Variants in SPAG9 observed in about 807,000 individuals in gnomAD.
The protein encoded by SPAG9 is sperm associated antigen 9, also known as C-Jun-amino-terminal kinase-interacting protein 4.
A neutral mutation model predicts 166.5 loss-of-function variants in SPAG9; 35 were observed. The observed-to-expected ratio is 0.21, with a 90% CI of 0.16 to 0.28. The LOEUF (loss-of-function observed/expected upper bound fraction) is 0.28. Among genes scored for constraint, SPAG9 ranks in the 10% least tolerant of loss-of-function variants. The probability of loss-of-function intolerance (pLI) is 1.00; values close to 1 mark genes in which losing one functional copy is unlikely to be tolerated. For synonymous variants in SPAG9, 534 were observed against 565.5 expected (o/e 0.94, Z 0.79); for missense variants, 1,235 against 1,603.3 (o/e 0.77, Z 3.92).
chr17:51,066,721 G>A (rs888994524), intron 2 of SPAG9, among the ~76,000 whole-genome samples: 13 of 151,432 alleles, frequency 8.6e-5, no homozygotes, highest in East Asian at 3.9e-4. Flanking sequence ...GTGAAACCCC[G>A]TCTCTACTAA....
chr17:51,006,475 G>C (rs1401235178), intron 10 of SPAG9, among the ~76,000 whole-genome samples: 1 of 151,986 alleles, frequency 6.6e-6, no homozygotes, highest in Non-Finnish European at 1.5e-5. Context: ...AAAGTGAGAA[G>C]ATTAAATTTT....
chr17:51,085,541 T>C (rs964363553), intron 1 of SPAG9: 1 of 152,238 alleles, frequency 6.6e-6, no homozygotes, highest in Non-Finnish European at 1.5e-5. Context: ...AGGTCTTGGA[T>C]TGGCAAGGCT....
At chr17:51,095,778 ATATAGTGATATACG>A (rs1418908697) in intron 1 of SPAG9, among the ~76,000 whole-genome samples, 3 of 146,826 alleles carry the variant, frequency 2.0e-5, no homozygotes, top group Admixed American at 7.0e-5. Context: ...ATAGTGATAT[ATATAGTGATATACG>A]TATAGTGATA....
chr17:51,026,753 C>T (rs1272131667), intron 6 of SPAG9, among the ~76,000 whole-genome samples: 2 of 150,788 alleles, frequency 1.3e-5, no homozygotes, highest in Non-Finnish European at 3.0e-5. Context: ...CTTGGCTCAC[C>T]GCAACCTCTG....
intron 1 of SPAG9, among the ~76,000 whole-genome samples, chr17:51,101,376 C>G (rs1292198151): frequency 6.7e-6 from 1 of 148,728 alleles, no homozygotes; most frequent in African/African-American, 2.5e-5. Context: ...AAAAAATTAC[C>G]TTTCTGGTTT....
At chr17:51,038,088 T>C (rs2046690326) in intron 5 of SPAG9, among the ~76,000 whole-genome samples, 1 of 152,096 alleles carries the variant, frequency 6.6e-6, no homozygotes, top group African/African-American at 2.4e-5. Flanking sequence ...ATGTAAACTG[T>C]GGTATTTGCA....
rs2048254165 is a variant in SPAG9, at chr17:51,084,509, G to A, written c.304-4805C>T. ...CTTCAAGCAATACTCCTGCCTCCAA[G>A]CAATACTCCTGCCTCAGCCTCTGCG... On this transcript the variant is annotated intron_variant, in intron 1 of 29. Coordinates refer to ENST00000262013, the MANE Select transcript of SPAG9 (RefSeq NM_001130528.3). Among the ~76,000 whole-genome samples, 3 of 152,060 alleles carry A rather than the reference G, an allele frequency of 2.0e-5. No homozygotes were observed. The South Asian group carries it at 6.2e-4, about 32-fold the overall frequency.
At position 51,100,407 on chromosome 17, in the gene SPAG9, C is replaced by A. The variant is rs564533900; in HGVS notation, c.303+19947G>T. On this transcript the variant is annotated intron_variant, in intron 1 of 29. Coordinates refer to ENST00000262013, the MANE Select transcript of SPAG9 (RefSeq NM_001130528.3). ...ACTGCTTGAGCCCAGAAGTTTCAGACCAGCCTGGGCAACATGGTGAGATCC... is the reference window on the plus strand; with the variant it reads ...ACTGCTTGAGCCCAGAAGTTTCAGAACAGCCTGGGCAACATGGTGAGATCC... Among the ~76,000 whole-genome samples the A allele has an allele frequency of 2.0e-5, 3 of 152,264 alleles. No homozygotes were observed. The South Asian group carries it at 6.2e-4, about 32-fold the overall frequency.
intron 1 of SPAG9, among the ~76,000 whole-genome samples, chr17:51,090,025 A>G (rs546068929): frequency 1.3e-5 from 2 of 152,072 alleles, no homozygotes; most frequent in Admixed American, 6.6e-5. Flanking sequence ...AGCTTACTCT[A>G]AAAGGAATGG....
chr17:51,048,250 ATAGTT>A (rs898316316), intron 3 of SPAG9, among the ~76,000 whole-genome samples: 2 of 152,128 alleles, frequency 1.3e-5, no homozygotes, highest in Admixed American at 1.3e-4. Flanking sequence ...TTGATAATAT[ATAGTT>A]TCACTTTTAA....
chr17:51,058,279 T>C (rs1333313117), intron 2 of SPAG9, among the ~76,000 whole-genome samples: 1 of 152,194 alleles, frequency 6.6e-6, no homozygotes, highest in African/African-American at 2.4e-5. Flanking sequence ...GCCAACAACA[T>C]CAAGTGCTTA....
rs139827912 is a variant in SPAG9, at chr17:50,973,452, A to G, written c.3700+1319T>C. Among the ~76,000 whole-genome samples the G allele has an allele frequency of 5.0e-3, 759 of 152,350 alleles. 8 individuals are homozygous for G. The highest frequency in any genetic ancestry group is 0.017 in the African/African-American group (714 of 41,580). On this transcript the variant is annotated intron_variant, in intron 28 of 29. Coordinates refer to ENST00000262013, the MANE Select transcript of SPAG9 (RefSeq NM_001130528.3). ...ATGACTATACAAATATATAAAATGT[A>G]CAAATGAGGTTTCAGAAAGCTCATT...
intron 2 of SPAG9, among the ~76,000 whole-genome samples, chr17:51,065,252 T>C (rs1008485188): frequency 1.3e-5 from 2 of 152,144 alleles, no homozygotes; most frequent in East Asian, 3.8e-4. Context: ...AGGCTGGTTA[T>C]GAACTCCTGG....
At chr17:51,084,376 G>A (rs2048249760) in intron 1 of SPAG9, 1 of 151,932 alleles carries the variant, frequency 6.6e-6, no homozygotes, top group Admixed American at 6.6e-5. Flanking sequence ...CTATATCTGG[G>A]AAAGTAACCA....
At chr17:51,014,407 C>A in intron 8 of SPAG9, 54 bp from the exon 9 acceptor site, 1 of 1,546,188 alleles carries the variant, frequency 6.5e-7, no homozygotes, top group Non-Finnish European at 8.8e-7. Flanking sequence ...ACTTTTTTGA[C>A]GCTGTAAAAT....
At position 50,990,497 on chromosome 17, in the gene SPAG9, G is replaced by C. The variant is rs765133508; in HGVS notation, c.2570C>G (p.Thr857Ser). ...CSAEGVTGAA[T>S]SPSTNGASPV... is the part of the protein sequence containing the mutation. Reference sequence around the variant, plus strand: ...AGAAGCACCATTTGTACTAGGGGAAGTGGCAGCTCCCGTCACACCTTCTGC... The same window carrying C: ...AGAAGCACCATTTGTACTAGGGGAACTGGCAGCTCCCGTCACACCTTCTGC... Residue 857 changes from threonine (T) to serine (S), a missense_variant, in exon 20 of 30, where the codon ACT becomes AGT. Coordinates refer to ENST00000262013, the MANE Select transcript of SPAG9 (RefSeq NM_001130528.3). 1 of 1,614,188 alleles carries C rather than the reference G, an allele frequency of 6.2e-7. No homozygotes were observed. Among genetic ancestry groups the C allele is most frequent in the Non-Finnish European group, 8.5e-7 (1 of 1,180,008 alleles).
chr17:51,006,385 G>C (rs1262904934), intron 10 of SPAG9, 148 bp from the exon 11 acceptor site: 9 of 722,076 alleles, frequency 1.2e-5, no homozygotes, highest in Non-Finnish European at 1.7e-5. Context: ...GTAGATAAAT[G>C]CAAAAAGAAC....
chr17:51,048,877 A>T lies in SPAG9; in HGVS notation c.496-1408T>A, dbSNP rs534034672. Among the ~76,000 whole-genome samples the T allele has an allele frequency of 7.5e-4, 114 of 152,298 alleles. 2 individuals carry two copies. The South Asian group carries it at 0.023, about 31-fold the overall frequency. On this transcript the variant is annotated intron_variant, in intron 3 of 29. Coordinates refer to ENST00000262013, the MANE Select transcript of SPAG9 (RefSeq NM_001130528.3). ...ATAGTATCTTAAAATTTTTTAATTG[A>T]CATACTTTTTATTTTAAATTTATAG...
intron 7 of SPAG9, 21 bp downstream of exon 7, chr17:51,021,137 T>C (rs1274998869): frequency 1.3e-6 from 2 of 1,598,034 alleles, no homozygotes; most frequent in South Asian, 1.1e-5. Context: ...TCCTAGTAAG[T>C]AAAGAACTAG....
Sources: gnomAD v4.1 joint callset for allele counts (sites outside exome capture counted in the v4.1 genomes callset) on GRCh38, gnomAD v4.1.1 for gene constraint, MANE v1.5 for transcripts, NCBI Gene and HGNC (gene_info 2026-07-23, HGNC 2026-07-21) for gene names.